Variants in ZAN observed in about 807,000 individuals in gnomAD.
The protein encoded by ZAN is zonadhesin.
In ZAN, 260 loss-of-function variants were observed where a neutral mutation model predicts 286.2. The observed-to-expected ratio is 0.91, with a 90% CI of 0.82 to 1.01. The LOEUF (loss-of-function observed/expected upper bound fraction) is 1.01, where lower values mean the gene tolerates loss of function less well. Among genes scored for constraint, ZAN ranks in the 50% least tolerant of loss-of-function variants. The pLI, the probability that ZAN is intolerant of heterozygous loss-of-function variation, is 0.00. For synonymous variants in ZAN, 1,368 were observed against 1,417.5 expected (o/e 0.97, Z 0.79); for missense variants, 3,410 against 3,639.2 (o/e 0.94, Z 1.62).
chr7:100,773,501 G>A lies in ZAN; in HGVS notation c.5634+8G>A, dbSNP rs760689058. On this transcript the variant is annotated splice_region_variant and intron_variant, in intron 30 of 47. Transcript: ENST00000613979. ...GCGGGCTCCTACCACCCGGTGAGAG[G>A]CCAGCTAGGAGGGGCCCCGCCCTTT... 3.7e-6 allele frequency: 6 copies of A among 1,612,514 alleles called. No homozygotes were observed. The African/African-American group carries it at 6.7e-5, about 18-fold the overall frequency.
Position 100,776,434 on chromosome 7 carries a change from C to G in ZAN, c.6193-6C>G, listed in dbSNP as rs144430258. 11 of 1,603,500 alleles carry G rather than the reference C, an allele frequency of 6.9e-6. No homozygotes were observed. In the Admixed American group the frequency reaches 1.0e-4, roughly 15 times the overall value. On this transcript the variant is annotated splice_region_variant and splice_polypyrimidine_tract_variant and intron_variant, in intron 33 of 47. Transcript: ENST00000613979. ...CCAGCACCGAAAAACCACTCTCCCC[C>G]GCCAGGTCTGCGGCATGTGTGGGAA...
intron 34 of ZAN, among the ~76,000 whole-genome samples, chr7:100,779,226 G>A (rs1028046577): frequency 1.2e-4 from 18 of 150,934 alleles, no homozygotes; most frequent in African/African-American, 2.0e-4. Flanking sequence ...AAAATTGGTC[G>A]GGCGTGGTGG....
chr7:100,736,635 G>A lies in ZAN; in HGVS notation c.253+6G>A, dbSNP rs1292944775. 3 of 1,521,450 alleles carry A rather than the reference G, an allele frequency of 2.0e-6. No individual in the cohort carries two copies. Among genetic ancestry groups the A allele is most frequent in the East Asian group, 4.6e-5 (2 of 43,902 alleles). 94.2% of individuals were successfully genotyped at this position (1,521,450 alleles called of 1,614,324 possible). A position where few individuals can be genotyped will look rare whatever the true frequency, so the allele number is the denominator to read the frequency against. ...CGGGGGGTACCCTAACGGAGGTGAG[G>A]GGCTATGGTTTCCAGGGGACCATGA... On this transcript the variant is annotated splice_donor_region_variant and intron_variant, in intron 4 of 47. Coordinates refer to ENST00000613979, the MANE Select transcript of ZAN (RefSeq NM_003386.3).
At chr7:100,764,244 C>T (rs1471439330) in intron 22 of ZAN, 48 bp downstream of exon 22, 1 of 1,457,568 alleles carries the variant, frequency 6.9e-7, no homozygotes, top group East Asian at 2.5e-5. Context: ...GTGGCTCACA[C>T]CTATAATCCC....
chr7:100,794,403 C>A (rs1812214603), intron 44 of ZAN, 145 bp downstream of exon 44: 1 of 1,357,354 alleles, frequency 7.4e-7, no homozygotes, highest in Non-Finnish European at 9.9e-7. Context: ...GGACAAAGGA[C>A]AAAGATCTCC....
At chr7:100,738,889 C>G (rs1441181039) in intron 7 of ZAN, among the ~76,000 whole-genome samples, 1 of 2,650 alleles carries the variant, frequency 3.8e-4, no homozygotes, top group African/African-American at 1.2e-3. Flanking sequence ...CTCTCCCTCT[C>G]CCTCTCCCTC....
In ZAN at chr7:100,758,353, C is replaced by T; in HGVS notation, c.3451+10C>T. 2 of 1,610,094 alleles carry T rather than the reference C, an allele frequency of 1.2e-6. No individual in the cohort carries two copies. Among genetic ancestry groups the T allele is most frequent in the Non-Finnish European group, 1.7e-6 (2 of 1,177,842 alleles). On this transcript the variant is annotated intron_variant, in intron 16 of 47. Coordinates refer to ENST00000613979, the MANE Select transcript of ZAN (RefSeq NM_003386.3). ...GGATGCCACCCCTACGGTGAGAGCC[C>T]CTCCCCATGCTGTCCCTGCCTGCCA...
At position 100,738,493 on chromosome 7, in the gene ZAN, C is replaced by G. The variant is rs183919117; in HGVS notation, c.646C>G (p.Pro216Ala). ...CMMQTCSFDIPNDLCDWTWIP... is the reference protein window; with the variant it reads ...CMMQTCSFDIANDLCDWTWIP... The stretch of plus-strand genomic sequence containing the variant: ...GATGCAAACATGCAGCTTTGACATT[C>G]CAAATGACCTCTGTGACTGGACCTG... Residue 216 changes from proline (P) to alanine (A), a missense_variant, in exon 7 of 48, where the codon CCA (proline) becomes GCA (alanine). Around this residue, in one of 7 missense-constraint regions of ZAN, gnomAD observed 872 missense variants for 938.9 expected, o/e 0.93. Coordinates refer to ENST00000613979, the MANE Select transcript of ZAN (RefSeq NM_003386.3). 4 of 1,482,600 alleles carry G rather than the reference C, an allele frequency of 2.7e-6. 1 individual carries two copies. In the Admixed American group the frequency reaches 7.9e-5, roughly 29 times the overall value. The allele number at this position is 1,482,600 out of a possible 1,614,324, so 91.8% of individuals were successfully genotyped here.
chr7:100,749,340 T>C (rs909285364), intron 11 of ZAN, among the ~76,000 whole-genome samples: 9 of 151,262 alleles, frequency 5.9e-5, no homozygotes, highest in African/African-American at 2.2e-4. Context: ...AGATTCTGTC[T>C]TAAAAATATA....
intron 2 of ZAN, 84 bp downstream of exon 2, chr7:100,734,305 G>A (rs1584537811): frequency 1.0e-6 from 1 of 996,812 alleles, no homozygotes; most frequent in Non-Finnish European, 1.4e-6. Flanking sequence ...GCTGGAGGGG[G>A]CGAGCAGGCT....
Position 100,755,390 on chromosome 7 carries a change from TACA to T in ZAN, c.3295_3297del (p.Asn1099del), listed in dbSNP as rs201422303. 81,840 of 1,613,522 alleles carry T rather than the reference TACA, an allele frequency of 0.051. 2,359 individuals carry two copies. Among genetic ancestry groups the T allele is most frequent in the Non-Finnish European group, 0.055 (64,935 of 1,179,728 alleles). ...CCAGGCCTCTTCCTGCAATTGCTTCTACAACAACGACTACTATGAGGTAAGCCC... is the reference window on the plus strand; with the variant it reads ...CCAGGCCTCTTCCTGCAATTGCTTCTACAACGACTACTATGAGGTAAGCCC... On this transcript the variant is annotated inframe_deletion, in exon 15 of 48. Coordinates refer to ENST00000613979, the MANE Select transcript of ZAN (RefSeq NM_003386.3).
In ZAN at chr7:100,768,030, T is replaced by G; in HGVS notation, c.5041+19T>G. The G allele has an allele frequency of 6.2e-7, 1 of 1,602,404 alleles. No individual in the cohort carries two copies. The highest frequency in any genetic ancestry group is 8.5e-7 in the Non-Finnish European group (1 of 1,174,088). The stretch of plus-strand genomic sequence containing the variant: ...CTGTGTGGTGAGTTTCCTGGGCACC[T>G]GCGGGGAAAGCTGGGACAATGAGTA... On this transcript the variant is annotated intron_variant, in intron 26 of 47. Transcript: ENST00000613979.
At chr7:100,786,551 G>A (rs926925211) in intron 37 of ZAN, among the ~76,000 whole-genome samples, 3 of 152,186 alleles carry the variant, frequency 2.0e-5, no homozygotes, top group East Asian at 3.9e-4. Context: ...TGGGACTACA[G>A]GCATGGACCA....
At chr7:100,772,874 G>GTT (rs1216759374) in intron 29 of ZAN, among the ~76,000 whole-genome samples, 10 of 122,006 alleles carry the variant, frequency 8.2e-5, no homozygotes, top group African/African-American at 1.2e-4. Context: ...TTTTTTGTTT[G>GTT]TTTTTTTTTT....
intron 34 of ZAN, among the ~76,000 whole-genome samples, chr7:100,777,449 G>A (rs920771444): frequency 1.3e-5 from 2 of 152,038 alleles, no homozygotes; most frequent in Admixed American, 6.6e-5. Flanking sequence ...CTGCTTCCGG[G>A]GTTCAAGCAA....
Position 100,748,381 on chromosome 7 carries a change from A to G in ZAN, c.1160A>G (p.Gln387Arg). The G allele has an allele frequency of 5.0e-6, 8 of 1,614,042 alleles. No individual in the cohort carries two copies. Among genetic ancestry groups the G allele is most frequent in the Non-Finnish European group, 6.8e-6 (8 of 1,179,908 alleles). ...GCCCATCCCTTCTGTGACTGGGTCC[A>G]GACTTCCGGGGATGGTGGACACTGG... ...DNAHPFCDWVQTSGDGGHWAL... is the reference protein window; with the variant it reads ...DNAHPFCDWVRTSGDGGHWAL... The change falls in exon 11 of 48, where the codon CAG (glutamine) becomes CGG (arginine). Residue 387 changes from glutamine (Q) to arginine (R), a missense_variant. By Grantham distance (43) the Gln-to-Arg change is conservative. Around this residue, in one of 7 missense-constraint regions of ZAN, gnomAD observed 872 missense variants for 938.9 expected, o/e 0.93. Transcript: ENST00000613979.
chr7:100,794,436 T>C (rs567228137), intron 44 of ZAN, among the ~76,000 whole-genome samples, 178 bp downstream of exon 44: 1 of 152,330 alleles, frequency 6.6e-6, no homozygotes, highest in East Asian at 1.9e-4. Context: ...ATCCATGACC[T>C]ACCGAATCCT....
chr7:100,792,460 C>T lies in ZAN; in HGVS notation c.7768C>T (p.Arg2590Cys), dbSNP rs373588495. 8.9e-5 allele frequency: 144 copies of T among 1,613,738 alleles called. No individual in the cohort carries two copies. Among genetic ancestry groups the T allele is most frequent in the Admixed American group, 1.7e-4 (10 of 59,992 alleles). ...AQDPREQEEL[R>C]CQVLSGHGVS... is the part of the protein sequence containing the mutation. ...GGACCCAAGAGAGCAAGAGGAGCTG[C>T]GTTGCCAGGTCCTCAGTGGGTACGC... Residue 2590 changes from arginine to cysteine, a missense_variant, in exon 42 of 48, where the codon CGT becomes TGT. Around this residue, in one of 7 missense-constraint regions of ZAN, gnomAD observed 1,289 missense variants for 1,314.3 expected, o/e 0.98. Coordinates refer to ENST00000613979, the MANE Select transcript of ZAN (RefSeq NM_003386.3).
rs1807133370 is a variant in ZAN at position 100,734,130 on chromosome 7, C to T, written c.-39C>T. 1 of 1,345,958 alleles carries T rather than the reference C, an allele frequency of 7.4e-7. No homozygotes were observed. Among genetic ancestry groups the T allele is most frequent in the East Asian group, 2.6e-5 (1 of 38,986 alleles). 83.4% of individuals were successfully genotyped at this position (1,345,958 alleles called of 1,614,324 possible). On this transcript the variant is annotated 5_prime_UTR_variant, in exon 2 of 48. Transcript: ENST00000613979. ...AAGGAGTCCAGGCTCCCAACTGTGC[C>T]CTTCCCCTCTCCCCTGGGAGCAACC...
Sources: gnomAD v4.1 joint callset for allele counts (sites outside exome capture counted in the v4.1 genomes callset) on GRCh38, gnomAD v4.1.1 for gene constraint, gnomAD v4.1.1 regional missense constraint, MANE v1.5 for transcripts, NCBI Gene and HGNC (gene_info 2026-07-23, HGNC 2026-07-21) for gene names.